NTM: variants seen among roughly 807,000 people sequenced by gnomAD.
NTM encodes the protein neurotrimin, also known as IgLON family member 2.
NTM carries 13 observed loss-of-function variants against 42.1 expected under a neutral mutation model. The observed-to-expected ratio is 0.31, with a 90% CI of 0.20 to 0.49. The LOEUF is 0.49. Among genes scored for constraint, NTM ranks in the 20% least tolerant of loss-of-function variants. The pLI is 0.99. For synonymous variants in NTM, 187 were observed against 179.2 expected, an observed-to-expected ratio of 1.04 and a Z score of -0.35; for missense variants, 373 against 452.8, an observed-to-expected ratio of 0.82 and a Z score of 1.60.
At chr11:131,439,617 T>G (rs11222616) in intron 1 of NTM, among the ~76,000 whole-genome samples, 66,679 of 152,086 alleles carry the variant, frequency 0.44, 15,052 homozygotes, top group Non-Finnish European at 0.5. Context: ...GGCCTAGTCA[T>G]GCACGGGATA....
intron 2 of NTM, among the ~76,000 whole-genome samples, chr11:132,086,306 A>G (rs1291674643): frequency 7.1e-6 from 1 of 141,208 alleles, no homozygotes; most frequent in Non-Finnish European, 1.5e-5. Flanking sequence ...CTTGGATGAC[A>G]GAGCAAGACT....
At position 132,081,120 on chromosome 11, in the gene NTM, C is replaced by A. The variant is rs562664441; in HGVS notation, c.168-65162C>A. Among the ~76,000 whole-genome samples the A allele has an allele frequency of 3.3e-5, 5 of 152,360 alleles. No individual in the cohort carries two copies. The South Asian group carries it at 8.3e-4, about 25-fold the overall frequency. On this transcript the variant is annotated intron_variant, in intron 2 of 8. Coordinates refer to ENST00000683400, the MANE Select transcript of NTM (RefSeq NM_001352005.2). ...AGTCCCTCAAATGAGGAAGAGTTCA[C>A]TGTCACTGAGAATATCCTGGAAGGT...
At chr11:131,911,736 C>G in intron 2 of NTM, 88 bp downstream of exon 2, 1 of 1,534,894 alleles carries the variant, frequency 6.5e-7, no homozygotes, top group Non-Finnish European at 8.9e-7. Context: ...CTGAGGCGTG[C>G]CTGGGTTGGC....
At chr11:132,318,392 C>T (rs1239614206) in intron 7 of NTM, among the ~76,000 whole-genome samples, 1 of 152,178 alleles carries the variant, frequency 6.6e-6, no homozygotes, top group Non-Finnish European at 1.5e-5. Context: ...CATGTTGAAT[C>T]TCCAGGCATA....
chr11:131,387,295 GCTCTCT>G (rs142715982), intron 1 of NTM, among the ~76,000 whole-genome samples: 3 of 148,812 alleles, frequency 2.0e-5, no homozygotes, highest in African/African-American at 7.4e-5. Flanking sequence ...CTTTCTTGGA[GCTCTCT>G]CTCTCTCTCT....
At chr11:131,680,717 GC>G (rs2072454397) in intron 1 of NTM, among the ~76,000 whole-genome samples, 5 of 104,340 alleles carry the variant, frequency 4.8e-5, no homozygotes, top group East Asian at 5.9e-4. Flanking sequence ...GTGTGTGTGT[GC>G]ATATGTTTGC....
chr11:131,563,579 C>CTTTTTTTTTTTT (rs71911433), intron 1 of NTM, among the ~76,000 whole-genome samples: 5 of 88,784 alleles, frequency 5.6e-5, no homozygotes, highest in African/African-American at 2.3e-4. Context: ...GCTCCAGACA[C>CTTTTTTTTTTTT]TTTTTTTTTT....
chr11:132,021,265 A>AT (rs1030357696), intron 2 of NTM, among the ~76,000 whole-genome samples: 5 of 151,968 alleles, frequency 3.3e-5, no homozygotes, highest in East Asian at 1.9e-4. Flanking sequence ...CTACATATGG[A>AT]TTTTTTTGTT....
chr11:132,252,041 C>T (rs1446212868), intron 4 of NTM, among the ~76,000 whole-genome samples: 1 of 152,158 alleles, frequency 6.6e-6, no homozygotes, highest in East Asian at 1.9e-4. Context: ...TTTGGAATGT[C>T]TTGAAAGCAG....
chr11:131,535,673 G>C (rs2052067931), intron 1 of NTM: 2 of 152,178 alleles, frequency 1.3e-5, no homozygotes, highest in African/African-American at 2.4e-5. Flanking sequence ...CATGCCACAT[G>C]CTCTGTGTGT....
intron 1 of NTM, among the ~76,000 whole-genome samples, chr11:131,555,436 A>C (rs1434091450): frequency 1.3e-5 from 2 of 152,316 alleles, no homozygotes; most frequent in East Asian, 3.9e-4. Flanking sequence ...ATGGAAACCC[A>C]TAAGTAGTTT....
chr11:131,467,182 G>T (rs1951977624), intron 1 of NTM, among the ~76,000 whole-genome samples: 1 of 152,206 alleles, frequency 6.6e-6, no homozygotes, highest in Non-Finnish European at 1.5e-5. Context: ...AATGTAAGAG[G>T]AACTAAAGAC....
At chr11:131,814,555 T>A (rs1360229839) in intron 1 of NTM, among the ~76,000 whole-genome samples, 4 of 151,808 alleles carry the variant, frequency 2.6e-5, no homozygotes, top group Non-Finnish European at 5.9e-5. Context: ...GAAAAAAAAA[T>A]AAAAGAAAGA....
chr11:131,400,822 G>T (rs1945050248), intron 1 of NTM, among the ~76,000 whole-genome samples: 1 of 152,088 alleles, frequency 6.6e-6, no homozygotes. Context: ...GAAAATCTAG[G>T]ATATGTGTTA....
intron 1 of NTM, among the ~76,000 whole-genome samples, chr11:131,460,544 T>G (rs577264652): frequency 6.6e-6 from 1 of 152,230 alleles, no homozygotes; most frequent in East Asian, 1.9e-4. Flanking sequence ...GAGAGTGCTT[T>G]CTTTCTTTTT....
chr11:131,577,359 C>T (rs1047227862), intron 1 of NTM, among the ~76,000 whole-genome samples: 3 of 152,012 alleles, frequency 2.0e-5, no homozygotes, highest in Admixed American at 2.0e-4. Context: ...GTCGCTCTGT[C>T]CTGAGGCTAT....
chr11:131,601,894 G>T (rs2060516667), intron 1 of NTM, among the ~76,000 whole-genome samples: 1 of 152,132 alleles, frequency 6.6e-6, no homozygotes, highest in African/African-American at 2.4e-5. Context: ...TCTGAATATG[G>T]ATCATGAGCA....
intron 1 of NTM, among the ~76,000 whole-genome samples, chr11:131,601,402 G>T (rs2060474390): frequency 6.6e-6 from 1 of 152,046 alleles, no homozygotes; most frequent in Admixed American, 6.5e-5. Context: ...AACCTCTTTG[G>T]GTTTTAATGA....
intron 2 of NTM, among the ~76,000 whole-genome samples, chr11:132,087,813 C>T (rs1174467449): frequency 6.6e-6 from 1 of 152,086 alleles, no homozygotes; most frequent in Admixed American, 6.5e-5. Flanking sequence ...GTTTCTCCAA[C>T]AGGGAGAGAA....
Sources: gnomAD v4.1 joint callset for allele counts (sites outside exome capture counted in the v4.1 genomes callset) on GRCh38, gnomAD v4.1.1 for gene constraint, MANE v1.5 for transcripts, NCBI Gene and HGNC (gene_info 2026-07-23, HGNC 2026-07-21) for gene names.